Variants in VWA1 observed in about 807,000 individuals in gnomAD.
The protein encoded by VWA1 is von Willebrand factor A domain containing 1.
Under a neutral mutation model 14.9 loss-of-function variants are expected in VWA1, and 12 were observed. The observed-to-expected ratio is 0.80, with a 90% CI of 0.52 to 1.30. The LOEUF (loss-of-function observed/expected upper bound fraction) is 1.30, where lower values mean the gene tolerates loss of function less well. VWA1 is among the 50% of genes most tolerant of loss of function. VWA1 has a pLI of 0.00. For synonymous variants in VWA1, 368 were observed against 310.7 expected (o/e 1.18, Z -1.94); for missense variants, 800 against 649.1 (o/e 1.23, Z -2.53).
At chr1:1,435,990 G>A (rs966539484) in intron 1 of VWA1, among the ~76,000 whole-genome samples, 169 bp downstream of exon 1, 1 of 151,990 alleles carries the variant, frequency 6.6e-6, no homozygotes, top group Non-Finnish European at 1.5e-5. Context: ...TGAGGCTGGC[G>A]GCCCAGGTGC....
chr1:1,437,670 G>A (rs981676076), intron 2 of VWA1, among the ~76,000 whole-genome samples, 186 bp downstream of exon 2: 1 of 152,176 alleles, frequency 6.6e-6, no homozygotes, highest in Admixed American at 6.5e-5. Flanking sequence ...TGGGCGACCC[G>A]TGTACCCTGC....
rs1638608771 is a variant in VWA1, at chr1:1,439,328, G to A, written c.879G>A (p.Arg293=). The A allele has an allele frequency of 1.3e-6, 2 of 1,579,990 alleles. No homozygotes were observed. The highest frequency in any genetic ancestry group is 1.7e-6 in the Non-Finnish European group (2 of 1,169,398). The change falls in exon 3 of 3, where the codon AGG becomes AGA. Residue 293 remains arginine, a synonymous_variant. Transcript: ENST00000476993. ...CTGAGTCCAACGTGCGCCTCCTGAG[G>A]CCCCAGATCCTGCGGGTGCGCACGC... The part of the protein sequence containing the change: ...LVPESNVRLL[R]PQILRVRTRP...
intron 1 of VWA1, among the ~76,000 whole-genome samples, chr1:1,436,270 G>T (rs1479103737): frequency 6.6e-6 from 1 of 152,202 alleles, no homozygotes; most frequent in Non-Finnish European, 1.5e-5. Flanking sequence ...GGGGGCATCA[G>T]CCTCCACCCC....
At position 1,440,775 on chromosome 1, in the gene VWA1, TCTCG is replaced by T. The variant is rs1355423985; in HGVS notation, c.*991_*994del. The T allele has an allele frequency of 6.3e-6, 1 of 158,090 alleles. No homozygotes were observed. The highest frequency in any genetic ancestry group is 1.5e-5 in the Non-Finnish European group (1 of 68,102). The allele number at this position is 158,090 out of a possible 1,614,324, so 9.8% of individuals were successfully genotyped here. ...AATCAGATGTACACCGAGCCTGCAG[TCTCG>T]CTAGGATGCTTTACTCCTCCACAAA... is the stretch of plus-strand genomic sequence containing the variant. On this transcript the variant is annotated 3_prime_UTR_variant, in exon 3 of 3. Transcript: ENST00000476993.
intron 2 of VWA1, 40 bp downstream of exon 2, chr1:1,437,524 G>A: frequency 6.4e-7 from 1 of 1,564,566 alleles, no homozygotes; most frequent in Non-Finnish European, 8.7e-7. Context: ...CCCTAGCTGG[G>A]AGCCGCAGAA....
chr1:1,437,287 G>T lies in VWA1; in HGVS notation c.434G>T (p.Gly145Val). 1 of 1,610,100 alleles carries T rather than the reference G, an allele frequency of 6.2e-7. No homozygotes were observed. Among genetic ancestry groups the T allele is most frequent in the Non-Finnish European group, 8.5e-7 (1 of 1,178,846 alleles). ...VPKVLVWVTD[G>V]GSSDPVGPPM... ...AAAGTGCTGGTGTGGGTGACAGATG[G>T]CGGCTCCAGCGACCCTGTGGGCCCC... Residue 145 changes from glycine (G) to valine (V), a missense_variant, in exon 2 of 3, where the codon GGC (glycine) becomes GTC (valine). Gly to Val is a moderately radical substitution (Grantham distance 109, BLOSUM62 -3). Transcript: ENST00000476993.
chr1:1,437,270 G>A lies in VWA1; in HGVS notation c.417G>A (p.Leu139=), dbSNP rs1005592904. ...CCCGGCCAGGGGTGCCCAAAGTGCT[G>A]GTGTGGGTGACAGATGGCGGCTCCA... is the stretch of plus-strand genomic sequence containing the variant. ...SGARPGVPKV[L]VWVTDGGSSD... Residue 139 remains leucine, a synonymous_variant, in exon 2 of 3, where the codon CTG becomes CTA. Coordinates refer to ENST00000476993, the MANE Select transcript of VWA1 (RefSeq NM_022834.5). The A allele has an allele frequency of 4.3e-6, 7 of 1,610,448 alleles. No homozygotes were observed. The African/African-American group carries it at 5.3e-5, about 12-fold the overall frequency.
chr1:1,437,476 C>G lies in VWA1; in HGVS notation c.623C>G (p.Ser208Cys), dbSNP rs144330139. 2 of 1,601,372 alleles carry G rather than the reference C, an allele frequency of 1.2e-6. No homozygotes were observed. Among genetic ancestry groups the G allele is most frequent in the African/African-American group, 2.7e-5 (2 of 74,728 alleles). The change falls in exon 2 of 3, where the codon TCC (serine) becomes TGC (cysteine). Residue 208 changes from serine (S) to cysteine (C), a missense_variant. Coordinates refer to ENST00000476993, the MANE Select transcript of VWA1 (RefSeq NM_022834.5). ...LHIIVQELRG[S>C]ILDAMRPQQL... ...ATCATTGTCCAAGAGCTGAGGGGCT[C>G]CATTCTCGGTATGCGGGAGGAGGCA...
chr1:1,437,598 G>A, intron 2 of VWA1, 114 bp downstream of exon 2: 2 of 1,331,896 alleles, frequency 1.5e-6, no homozygotes, highest in Non-Finnish European at 2.0e-6. Flanking sequence ...AGGGCCTCCG[G>A]GGCTGTGGTA....
In VWA1 at chr1:1,439,348, G is replaced by A. The variant is rs747899854; in HGVS notation, c.899G>A (p.Arg300His). The A allele has an allele frequency of 1.1e-4, 164 of 1,557,204 alleles. No homozygotes were observed. Among genetic ancestry groups the A allele is most frequent in the Non-Finnish European group, 1.3e-4 (149 of 1,158,100 alleles). Residue 300 changes from arginine (R) to histidine (H), a missense_variant, in exon 3 of 3, where the codon CGC becomes CAC. Arg to His is a conservative substitution (Grantham distance 29, BLOSUM62 0). Coordinates refer to ENST00000476993, the MANE Select transcript of VWA1 (RefSeq NM_022834.5). ...CTGAGGCCCCAGATCCTGCGGGTGC[G>A]CACGCGGCCCGGTGAGGCAGGGCCG... Reference protein sequence around the residue: ...RLLRPQILRVRTRPGEAGPGA... With the variant: ...RLLRPQILRVHTRPGEAGPGA...
intron 2 of VWA1, 140 bp from the exon 3 acceptor site, chr1:1,438,941 T>C: frequency 3.7e-6 from 5 of 1,350,638 alleles, no homozygotes; most frequent in Non-Finnish European, 4.9e-6. Flanking sequence ...GGGGCATGGC[T>C]CCAGCAGCTC....
At chr1:1,438,939 G>A in intron 2 of VWA1, 142 bp from the exon 3 acceptor site, 1 of 1,336,670 alleles carries the variant, frequency 7.5e-7, no homozygotes, top group Non-Finnish European at 9.9e-7. Flanking sequence ...GCGGGGCATG[G>A]CTCCAGCAGC....
chr1:1,439,947 T>A lies in VWA1; in HGVS notation c.*160T>A. ...GGCCCTCTCCCTGCGGCCGCAGGGC[T>A]TCCCCGCCTGGCGCCTGCCCTCCAG... On this transcript the variant is annotated 3_prime_UTR_variant, in exon 3 of 3. Coordinates refer to ENST00000476993, the MANE Select transcript of VWA1 (RefSeq NM_022834.5). 1 of 871,428 alleles carries A rather than the reference T, an allele frequency of 1.1e-6. No homozygotes were observed. Among genetic ancestry groups the A allele is most frequent in the Non-Finnish European group, 1.4e-6 (1 of 715,262 alleles). The allele number at this position is 871,428 out of a possible 1,614,324, so 54.0% of individuals were successfully genotyped here.
At chr1:1,438,846 C>T (rs1638597040) in intron 2 of VWA1, among the ~76,000 whole-genome samples, 2 of 152,342 alleles carry the variant, frequency 1.3e-5, no homozygotes, top group South Asian at 2.1e-4. Flanking sequence ...GAGGCAGGGG[C>T]GCTTCTGACA....
In VWA1 at chr1:1,439,973, G is replaced by A; in HGVS notation, c.*186G>A. 1 of 695,584 alleles carries A rather than the reference G, an allele frequency of 1.4e-6. No homozygotes were observed. 43.1% of individuals were successfully genotyped at this position (695,584 alleles called of 1,614,324 possible). A position where few individuals can be genotyped will look rare whatever the true frequency, so the allele number is the denominator to read the frequency against. ...TCCCCGCCTGGCGCCTGCCCTCCAG[G>A]GCTGGGGCCTCGCCTGGCGGGACCC... is the stretch of plus-strand genomic sequence containing the variant. On this transcript the variant is annotated 3_prime_UTR_variant, in exon 3 of 3. Coordinates refer to ENST00000476993, the MANE Select transcript of VWA1 (RefSeq NM_022834.5).
Position 1,436,994 on chromosome 1 carries a change from C to T in VWA1, c.141C>T (p.His47=). The T allele has an allele frequency of 6.2e-7, 1 of 1,612,676 alleles. No homozygotes were observed. The highest frequency in any genetic ancestry group is 1.1e-5 in the South Asian group (1 of 91,052). The change falls in exon 2 of 3, where the codon CAC becomes CAT. Residue 47 remains histidine (H), a synonymous_variant. Transcript: ENST00000476993. ...TGGACAGCTCAGCCAGCGTCTCTCACTACGAGTTCTCCCGGGTTCGGGAGT... is the reference window on the plus strand; with the variant it reads ...TGGACAGCTCAGCCAGCGTCTCTCATTACGAGTTCTCCCGGGTTCGGGAGT... ...FLLDSSASVS[H]YEFSRVREFV... is the part of the protein sequence containing the mutation.
chr1:1,436,695 A>C, intron 1 of VWA1: 1 of 507,558 alleles, frequency 2.0e-6, no homozygotes, highest in Non-Finnish European at 3.5e-6. Context: ...TCGCCCTCTC[A>C]CAGATGGGAT....
In VWA1 at chr1:1,435,712, G is replaced by C. The variant is rs1241241848; in HGVS notation, c.-37G>C. On this transcript the variant is annotated 5_prime_UTR_variant, in exon 1 of 3. Transcript: ENST00000476993. The stretch of plus-strand genomic sequence containing the variant: ...TGCAGCCCCGAGCGAGCGAGCGAGC[G>C]AGCGAGTTGCCGAGCGCGCCCCGTC... 7.6e-6 allele frequency: 9 copies of C among 1,185,664 alleles called. 2 individuals are homozygous for C. The Admixed American group carries it at 2.5e-4, about 33-fold the overall frequency. The allele number at this position is 1,185,664 out of a possible 1,614,324, so 73.4% of individuals were successfully genotyped here. A position where few individuals can be genotyped will look rare whatever the true frequency, so the allele number is the denominator to read the frequency against.
rs527523310 is a variant in VWA1 at position 1,442,267 on chromosome 1, C to G, written c.*2480C>G. On this transcript the variant is annotated 3_prime_UTR_variant, in exon 3 of 3. Transcript: ENST00000476993. ...GCTGATACCCGCCAGGACTTCCTTG[C>G]CAAGGGCCCGGCCACGTCACAAGGC... 1 of 152,432 alleles carries G rather than the reference C, an allele frequency of 6.6e-6. No individual in the cohort carries two copies. Among genetic ancestry groups the G allele is most frequent in the African/African-American group, 2.4e-5 (1 of 41,600 alleles). The allele number at this position is 152,432 out of a possible 1,614,324, so 9.4% of individuals were successfully genotyped here.
Sources: allele counts gnomAD v4.1 joint callset (sites outside exome capture counted in the v4.1 genomes callset), GRCh38; gene constraint gnomAD v4.1.1; transcripts MANE v1.5; gene names NCBI Gene and HGNC (gene_info 2026-07-23, HGNC 2026-07-21).